Variants in EPRS1 observed in about 807,000 individuals in gnomAD.
EPRS1 encodes glutamyl-prolyl-tRNA synthetase 1.
Under a neutral mutation model 188.3 loss-of-function variants are expected in EPRS1, and 107 were observed. That is an observed-to-expected ratio of 0.57 (90% CI 0.49 to 0.67). EPRS1 has a LOEUF of 0.67. EPRS1 is among the 30% of genes least tolerant of loss of function. EPRS1 has a pLI of 0.00. For missense variants in EPRS1, 1,577 were observed against 1,802.2 expected, an observed-to-expected ratio of 0.88 and a Z score of 2.26; for synonymous variants, 596 against 593.1, an observed-to-expected ratio of 1.00 and a Z score of -0.07.
chr1:219,981,545 A>C (rs1660900303), intron 23 of EPRS1, 88 bp from the exon 24 acceptor site: 1 of 646,030 alleles, frequency 1.5e-6, no homozygotes, highest in Non-Finnish European at 2.6e-6. Flanking sequence ...GATAATTAAT[A>C]GGAATTAAAA....
Position 220,007,198 on chromosome 1 carries a change from T to G in EPRS1, c.1742+4A>C. ...TTATTTGAAAACAAACAAAAAGTTC[T>G]TACTTGTGTATTTTTGTAATGTTGA... On this transcript the variant is annotated splice_donor_region_variant and intron_variant, in intron 14 of 31. Coordinates refer to ENST00000366923, the MANE Select transcript of EPRS1 (RefSeq NM_004446.3). The G allele has an allele frequency of 6.2e-7, 1 of 1,605,138 alleles. No individual in the cohort carries two copies. The highest frequency in any genetic ancestry group is 8.5e-7 in the Non-Finnish European group (1 of 1,176,620).
intron 28 of EPRS1, among the ~76,000 whole-genome samples, chr1:219,975,318 T>C (rs1468552094): frequency 6.6e-6 from 1 of 152,078 alleles, no homozygotes; most frequent in African/African-American, 2.4e-5. Context: ...GCATACAGGG[T>C]GACTAATCTA....
chr1:220,026,072 C>A (rs919828893), intron 6 of EPRS1, among the ~76,000 whole-genome samples: 8 of 152,174 alleles, frequency 5.3e-5, no homozygotes, highest in Non-Finnish European at 1.5e-5. Context: ...GGATTACAGG[C>A]GTGAGCCACC....
chr1:220,007,660 G>T (rs1417616471), intron 13 of EPRS1, among the ~76,000 whole-genome samples: 1 of 152,198 alleles, frequency 6.6e-6, no homozygotes, highest in Non-Finnish European at 1.5e-5. Context: ...AGATGAGGTA[G>T]CTTGCCCCTA....
At chr1:219,994,291 G>A (rs1661183864) in intron 18 of EPRS1, among the ~76,000 whole-genome samples, 1 of 152,062 alleles carries the variant, frequency 6.6e-6, no homozygotes, top group Non-Finnish European at 1.5e-5. Flanking sequence ...GTGTGAGTGT[G>A]CCCTGCAATG....
Position 220,022,328 on chromosome 1 carries a change from T to C in EPRS1, c.1115+19A>G, listed in dbSNP as rs371875697. 1.2e-5 allele frequency: 20 copies of C among 1,601,756 alleles called. No homozygotes were observed. The highest frequency in any genetic ancestry group is 4.5e-5 in the East Asian group (2 of 44,686). ...AAAGCACAGATGGCTACCTAGCATA[T>C]TGAAGGAGATATACTTACTTGTATT... On this transcript the variant is annotated intron_variant, in intron 9 of 31. Coordinates refer to ENST00000366923, the MANE Select transcript of EPRS1 (RefSeq NM_004446.3).
chr1:220,004,345 A>AT (rs1661417829), intron 16 of EPRS1, among the ~76,000 whole-genome samples: 1 of 152,122 alleles, frequency 6.6e-6, no homozygotes, highest in Non-Finnish European at 1.5e-5. Context: ...ACTAATAGAG[A>AT]TTTTTTAACA....
At chr1:219,983,422 T>A in intron 21 of EPRS1, 24 bp from the exon 22 acceptor site, 1 of 1,566,940 alleles carries the variant, frequency 6.4e-7, no homozygotes, top group East Asian at 2.3e-5. Context: ...AAATAGTCTT[T>A]AAAGCTTACA....
At chr1:220,005,099 G>T in intron 16 of EPRS1, 149 bp downstream of exon 16, 1 of 397,580 alleles carries the variant, frequency 2.5e-6, no homozygotes. Flanking sequence ...TAAATTACTT[G>T]TCTAAAATGT....
intron 2 of EPRS1, among the ~76,000 whole-genome samples, chr1:220,036,028 C>T (rs971595405): frequency 2.0e-5 from 3 of 152,032 alleles, no homozygotes; most frequent in Admixed American, 6.6e-5. Flanking sequence ...GGTGAAACCC[C>T]GTCTCTTCTA....
chr1:220,035,965 C>T (rs61830404), intron 2 of EPRS1, among the ~76,000 whole-genome samples: 26,358 of 151,988 alleles, frequency 0.17, 3,900 homozygotes, highest in East Asian at 0.4. Flanking sequence ...TTCGGGAGGC[C>T]GAGGTGGACA....
rs770087143 is a variant in EPRS1 at position 220,020,106 on chromosome 1, C to T, written c.1231G>A (p.Glu411Lys). 1.1e-5 allele frequency: 17 copies of T among 1,613,942 alleles called. No homozygotes were observed. Among genetic ancestry groups the T allele is most frequent in the Admixed American group, 3.3e-5 (2 of 60,010 alleles). The change falls in exon 10 of 32, where the codon GAA becomes AAA. Residue 411 changes from glutamate to lysine, a missense_variant. Transcript: ENST00000366923. ...TATGGTTTTCTTATGCCTAAAGCTT[C>T]AATAATCCAGTAAAACTGCTCATCT... ...DRDEQFYWIIEALGIRKPYIW... is the reference protein window; with the variant it reads ...DRDEQFYWIIKALGIRKPYIW...
rs138546345 is a variant in EPRS1, at chr1:220,006,311, T to C, written c.1745A>G (p.Asn582Ser). 82 of 1,514,996 alleles carry C rather than the reference T, an allele frequency of 5.4e-5. No individual in the cohort carries two copies. Among genetic ancestry groups the C allele is most frequent in the Non-Finnish European group, 6.9e-5 (77 of 1,112,142 alleles). 93.8% of individuals were successfully genotyped at this position (1,514,996 alleles called of 1,614,324 possible). The change falls in exon 15 of 32, where the codon AAT becomes AGT. Residue 582 changes from asparagine (N) to serine (S), a missense_variant and splice_region_variant. By Grantham distance (46) the Asn-to-Ser change is conservative (BLOSUM62 1). Transcript: ENST00000366923. Reference sequence around the variant, plus strand: ...AAGAGATATGATTTTTCCATCTGCATTTCTAGATATAAGATTAAAAGTATT... The same window carrying C: ...AAGAGATATGATTTTTCCATCTGCACTTCTAGATATAAGATTAAAAGTATT... ...GNLNITKIHK[N>S]ADGKIISLDA...
At chr1:219,991,385 T>C (rs1277667165) in intron 18 of EPRS1, among the ~76,000 whole-genome samples, 13 of 152,170 alleles carry the variant, frequency 8.5e-5, no homozygotes, top group Admixed American at 8.5e-4. Flanking sequence ...TCACCTTTGC[T>C]CCTTACTAGC....
chr1:219,987,245 G>C lies in EPRS1; in HGVS notation c.2935C>G (p.Gln979Glu), dbSNP rs1204893539. 1 of 1,613,854 alleles carries C rather than the reference G, an allele frequency of 6.2e-7. No homozygotes were observed. The highest frequency in any genetic ancestry group is 8.5e-7 in the Non-Finnish European group (1 of 1,179,982). Residue 979 changes from glutamine (Q) to glutamate (E), a missense_variant, in exon 20 of 32, where the codon CAG becomes GAG. Transcript: ENST00000366923. ...ENKSEKQNKP[Q>E]KQNDGQRKDP... ...TTCCTTTGGCCATCATTTTGTTTCTGAGGCTTATTCTGCTTTTCAGATTTA... is the reference window on the plus strand; with the variant it reads ...TTCCTTTGGCCATCATTTTGTTTCTCAGGCTTATTCTGCTTTTCAGATTTA...
At chr1:219,996,848 A>G (rs1277023056) in intron 18 of EPRS1, 135 bp downstream of exon 18, 3 of 976,668 alleles carry the variant, frequency 3.1e-6, no homozygotes, top group Non-Finnish European at 4.5e-6. Context: ...AGCTTGGCAC[A>G]TAGCAGGTAT....
intron 18 of EPRS1, among the ~76,000 whole-genome samples, chr1:219,990,853 A>G (rs531761431): frequency 3.5e-4 from 54 of 152,294 alleles, no homozygotes; most frequent in African/African-American, 1.1e-3. Context: ...ATTTAGTACA[A>G]TATCATACAA....
chr1:220,005,007 T>TA (rs1661431151), intron 16 of EPRS1, among the ~76,000 whole-genome samples: 1 of 152,198 alleles, frequency 6.6e-6, no homozygotes, highest in Non-Finnish European at 1.5e-5. Context: ...ACAGGAAAGT[T>TA]AATTATAAGA....
intron 12 of EPRS1, chr1:220,018,230 G>T: frequency 8.5e-7 from 1 of 1,172,924 alleles, no homozygotes; most frequent in Non-Finnish European, 1.2e-6. Context: ...TTCCAAGTTT[G>T]TTTGTTTCAA....
Sources: allele counts gnomAD v4.1 joint callset (sites outside exome capture counted in the v4.1 genomes callset), GRCh38; gene constraint gnomAD v4.1.1; transcripts MANE v1.5; gene names NCBI Gene and HGNC (gene_info 2026-07-23, HGNC 2026-07-21).